OTC: variants seen among roughly 807,000 people sequenced by gnomAD.
OTC encodes ornithine transcarbamylase.
A neutral mutation model predicts 30.3 loss-of-function variants in OTC; 3 were observed. The observed-to-expected ratio is 0.10, with a 90% CI of 0.05 to 0.26. The LOEUF (loss-of-function observed/expected upper bound fraction) is 0.26. Among genes scored for constraint, OTC ranks in the 10% least tolerant of loss-of-function variants. The pLI is 1.00. For missense variants in OTC, 194 were observed against 260.3 expected (o/e 0.75, Z 1.75); for synonymous variants, 111 against 99.7 (o/e 1.11, Z -0.67).
At chrX:38,411,819 C>T (rs368713384) in intron 8 of OTC, 43 bp from the exon 9 acceptor site, 26 of 1,181,784 alleles carry the variant, frequency 2.2e-5, no homozygotes, top group Middle Eastern at 4.7e-4. Flanking sequence ...ATATGACTGC[C>T]ACATATAATA....
At chrX:38,399,501 C>T (rs2068473599) in intron 4 of OTC, among the ~76,000 whole-genome samples, 1 of 111,359 alleles carries the variant, frequency 9.0e-6, no homozygotes, top group Non-Finnish European at 1.9e-5. Flanking sequence ...GTAATCCCAG[C>T]ACTTTGGGGG....
chrX:38,416,556 A>T (rs1022052023), intron 9 of OTC, among the ~76,000 whole-genome samples: 3 of 112,063 alleles, frequency 2.7e-5, no homozygotes, highest in African/African-American at 9.7e-5. Context: ...CCAAAACACC[A>T]TTGCAAATGT....
chrX:38,401,974 G>A (rs1398734107), intron 5 of OTC, among the ~76,000 whole-genome samples: 1 of 111,823 alleles, frequency 8.9e-6, no homozygotes, highest in African/African-American at 3.2e-5. Context: ...TTAGGAACTT[G>A]AATAACTTTG....
downstream of OTC, among the ~76,000 whole-genome samples, chrX:38,422,454 C>T (rs1310498076): frequency 1.8e-5 from 2 of 111,857 alleles, no homozygotes; most frequent in African/African-American, 6.5e-5. Context: ...GTGGAAGGCT[C>T]ACCCTCAAAT....
chrX:38,409,315 G>T (rs778694244), intron 8 of OTC, among the ~76,000 whole-genome samples: 16 of 111,998 alleles, frequency 1.4e-4, no homozygotes, highest in Non-Finnish European at 3.0e-4. Flanking sequence ...TGTGTTTAGA[G>T]AAATTAGGTT....
intron 4 of OTC, among the ~76,000 whole-genome samples, chrX:38,393,828 A>G (rs574112880): frequency 1.8e-5 from 2 of 112,404 alleles, no homozygotes; most frequent in East Asian, 2.8e-4. Flanking sequence ...ATGAGTGTAC[A>G]GGGCTGTGTT....
In OTC at chrX:38,352,612, T is replaced by C. The variant is rs1437088109; in HGVS notation, c.-85T>C. ...CTCCCTCACTGCAACTGAACACATTTCTTAGTTTTTAGGTGGCCCCCGCTG... is the reference window on the plus strand; with the variant it reads ...CTCCCTCACTGCAACTGAACACATTCCTTAGTTTTTAGGTGGCCCCCGCTG... On this transcript the variant is annotated 5_prime_UTR_variant, in exon 1 of 10. Transcript: ENST00000039007. 1.5e-6 allele frequency: 1 copy of C among 687,554 alleles called. No homozygotes were observed. The highest frequency in any genetic ancestry group is 2.4e-6 in the Non-Finnish European group (1 of 423,407). 56.7% of individuals were successfully genotyped at this position (687,554 alleles called of 1,213,427 possible).
chrX:38,364,852 T>C (rs17246924), intron 1 of OTC, among the ~76,000 whole-genome samples: 18,160 of 110,357 alleles, frequency 0.16, 1,352 homozygotes, highest in Middle Eastern at 0.24. Flanking sequence ...TCTTAATCCT[T>C]ATGGAAATTC....
chrX:38,399,678 A>G (rs1395916251), intron 4 of OTC, among the ~76,000 whole-genome samples: 1 of 110,509 alleles, frequency 9.0e-6, no homozygotes, highest in African/African-American at 3.3e-5. Context: ...ACCTGGGAGG[A>G]GGGGGTTGCA....
intron 4 of OTC, among the ~76,000 whole-genome samples, chrX:38,386,062 G>A (rs1425633431): frequency 2.8e-5 from 3 of 108,602 alleles, no homozygotes; most frequent in African/African-American, 1.0e-4. Context: ...ACTCCAGCCT[G>A]GGCAACAGAG....
intron 9 of OTC, among the ~76,000 whole-genome samples, chrX:38,420,397 A>G (rs1048949476): frequency 6.3e-5 from 7 of 111,520 alleles, no homozygotes; most frequent in Non-Finnish European, 1.1e-4. Context: ...TCTATCTAAT[A>G]CCTAGTAAGC....
chrX:38,401,404 C>T lies in OTC; in HGVS notation c.516C>T (p.Ile172=). Residue 172 remains isoleucine, a synonymous_variant, in exon 5 of 10, where the codon ATC becomes ATT. Transcript: ENST00000039007. ...CAGATTTGTACCATCCTATCCAGAT[C>T]CTGGCTGATTACCTCACGCTCCAGG... is the stretch of plus-strand genomic sequence containing the variant. The part of the protein sequence containing the change: ...GLSDLYHPIQ[I]LADYLTLQEH... 8.3e-7 allele frequency: 1 copy of T among 1,207,719 alleles called. No homozygotes were observed. Among genetic ancestry groups the T allele is most frequent in the Non-Finnish European group, 1.1e-6 (1 of 891,875 alleles).
chrX:38,333,215 CAAAAAAAA>C, the OTC span, among the ~76,000 whole-genome samples: 1 of 47,169 alleles, frequency 2.1e-5, no homozygotes, highest in Non-Finnish European at 4.6e-5. Context: ...AACTCTGTCT[CAAAAAAAA>C]AAAAAAAAAA....
At chrX:38,415,512 C>A (rs2068566426) in intron 9 of OTC, among the ~76,000 whole-genome samples, 1 of 111,638 alleles carries the variant, frequency 9.0e-6, no homozygotes, top group African/African-American at 3.3e-5. Flanking sequence ...CCAGTAGGCA[C>A]ATATGGCTTT....
At chrX:38,349,774 C>T (rs955809822), upstream of OTC, among the ~76,000 whole-genome samples, 1 of 111,865 alleles carries the variant, frequency 8.9e-6, no homozygotes, top group African/African-American at 3.3e-5. Flanking sequence ...TGGGTATTTG[C>T]ATTAAGAAGT....
At chrX:38,416,844 T>C (rs1353910862) in intron 9 of OTC, among the ~76,000 whole-genome samples, 1 of 112,240 alleles carries the variant, frequency 8.9e-6, no homozygotes, top group Non-Finnish European at 1.9e-5. Flanking sequence ...ACACAATCCA[T>C]AGACAATTAA....
intron 3 of OTC, among the ~76,000 whole-genome samples, chrX:38,376,985 G>A (rs922554807): frequency 5.4e-5 from 6 of 111,777 alleles, no homozygotes; most frequent in Non-Finnish European, 1.1e-4. Flanking sequence ...TAGACCAAGT[G>A]GACATAATAG....
intron 8 of OTC, among the ~76,000 whole-genome samples, chrX:38,409,945 TG>T (rs2068534767): frequency 8.9e-6 from 1 of 112,101 alleles, no homozygotes; most frequent in African/African-American, 3.2e-5. Context: ...TAATTTGATG[TG>T]TCTCTTTGCA....
chrX:38,385,222 A>G (rs935492930), intron 4 of OTC, among the ~76,000 whole-genome samples: 2 of 111,994 alleles, frequency 1.8e-5, no homozygotes, highest in Non-Finnish European at 3.8e-5. Flanking sequence ...GTGAGCTGAG[A>G]TTGTGCCACT....
Sources: allele counts gnomAD v4.1 joint callset (sites outside exome capture counted in the v4.1 genomes callset), GRCh38; gene constraint gnomAD v4.1.1; transcripts MANE v1.5; gene names NCBI Gene and HGNC (gene_info 2026-07-23, HGNC 2026-07-21).